EVC: variants seen among roughly 807,000 people sequenced by gnomAD.
EVC encodes the protein EvC ciliary complex subunit 1.
EVC carries 116 observed loss-of-function variants against 118.9 expected under a neutral mutation model. The observed-to-expected ratio is 0.98, with a 90% CI of 0.84 to 1.14. The LOEUF (loss-of-function observed/expected upper bound fraction) is 1.14, where lower values mean the gene tolerates loss of function less well. Ranked by LOEUF, EVC falls within the 50% of genes most tolerant of loss-of-function variation. EVC has a pLI of 0.00. For synonymous variants in EVC, 619 were observed against 534.7 expected, an observed-to-expected ratio of 1.16 and a Z score of -2.18; for missense variants, 1,401 against 1,246.4, an observed-to-expected ratio of 1.12 and a Z score of -1.87.
chr4:5,825,178 T>C, the EVC span: 211 of 985,436 alleles, frequency 2.1e-4, no homozygotes, highest in Middle Eastern at 3.1e-3. This position sits in a 1 kb window ranked among gnomAD's most constrained non-coding sequence, Gnocchi z 4.4. Context: ...ACTCCATGTT[T>C]ACTTTCATGA....
intron 6 of EVC, 95 bp from the exon 7 acceptor site, chr4:5,745,109 A>G (rs1327747591): frequency 1.4e-5 from 18 of 1,283,278 alleles, no homozygotes; most frequent in Non-Finnish European, 2.0e-5. Flanking sequence ...TATTTTGTGA[A>G]ATTTGAAAAA....
chr4:5,805,891 CT>C (rs4045512), intron 17 of EVC, among the ~76,000 whole-genome samples: 4,417 of 123,906 alleles, frequency 0.036, 170 homozygotes, highest in African/African-American at 0.12. Flanking sequence ...AGTTTCTTTT[CT>C]TTTTTTTTTT....
In EVC at chr4:5,756,397, C is replaced by A; in HGVS notation, c.1563+35C>A. On this transcript the variant is annotated intron_variant, in intron 11 of 20. Coordinates refer to ENST00000264956, the MANE Select transcript of EVC (RefSeq NM_153717.3). This position sits in a 1 kb window ranked among gnomAD's most constrained non-coding sequence, Gnocchi z 4.2. ...CTCTGTGGGGACCAGCAGAGAAGCC[C>A]CAGGGTCTGTGTGTGTGCGAGAACC... The A allele has an allele frequency of 6.4e-7, 1 of 1,555,220 alleles. No individual in the cohort carries two copies. The highest frequency in any genetic ancestry group is 1.4e-5 in the African/African-American group (1 of 74,050).
the EVC span, chr4:5,824,731 A>C: frequency 1.0e-6 from 1 of 985,162 alleles, no homozygotes; most frequent in African/African-American, 1.8e-5. Context: ...CGGCCTTCTA[A>C]GAAAAAAAAT....
At chr4:5,783,948 C>A (rs1195463108) in intron 12 of EVC, among the ~76,000 whole-genome samples, 184 bp downstream of exon 12, 2 of 152,160 alleles carry the variant, frequency 1.3e-5, no homozygotes, top group Non-Finnish European at 2.9e-5. Flanking sequence ...GCCCTTATCT[C>A]CCTCAACAGG....
At chr4:5,821,934 T>G in the EVC span, 3 of 1,252,428 alleles carry the variant, frequency 2.4e-6, no homozygotes, top group South Asian at 2.7e-5. This position sits in a 1 kb window ranked among gnomAD's most constrained non-coding sequence, Gnocchi z 4.4. Flanking sequence ...TACTCTGCCA[T>G]GCACTCCACT....
chr4:5,726,127 A>T (rs1442140647), intron 2 of EVC, among the ~76,000 whole-genome samples: 1 of 152,190 alleles, frequency 6.6e-6, no homozygotes, highest in East Asian at 1.9e-4. Context: ...TGTTTCCCAC[A>T]ATAGGGTGTC....
At chr4:5,729,421 C>T (rs750365856) in intron 3 of EVC, 31 bp downstream of exon 3, 1 of 1,590,856 alleles carries the variant, frequency 6.3e-7, no homozygotes, top group Non-Finnish European at 8.6e-7. Flanking sequence ...CATAGAAAGC[C>T]AGTTACTTCC....
At position 5,793,606 on chromosome 4, in the gene EVC, A is replaced by G. The variant is rs909612975; in HGVS notation, c.1777-2A>G. 10 of 1,551,412 alleles carry G rather than the reference A, an allele frequency of 6.4e-6. No homozygotes were observed. The highest frequency in any genetic ancestry group is 8.7e-6 in the Non-Finnish European group (10 of 1,146,776). On this transcript the variant is annotated splice_acceptor_variant, in intron 12 of 20. Coordinates refer to ENST00000264956, the MANE Select transcript of EVC (RefSeq NM_153717.3). LOFTEE classifies it high-confidence loss of function. ...TGCTCTGTCCCTCTGTCCCGAGTTC[A>G]GGTGTGGATGGAGGAGTGTGCGCTG... is the stretch of plus-strand genomic sequence containing the variant.
chr4:5,733,297 C>G lies in EVC; in HGVS notation c.618-54C>G. The G allele has an allele frequency of 9.6e-6, 14 of 1,455,166 alleles. No homozygotes were observed. In the South Asian group the frequency reaches 1.6e-4, roughly 17 times the overall value. 90.1% of individuals were successfully genotyped at this position (1,455,166 alleles called of 1,614,324 possible). A position where few individuals can be genotyped will look rare whatever the true frequency, so the allele number is the denominator to read the frequency against. ...GATGAGGGACGTGCCAATATTCTTACTCTTCATTTCCGATACCCTGAAAGT... is the reference window on the plus strand; with the variant it reads ...GATGAGGGACGTGCCAATATTCTTAGTCTTCATTTCCGATACCCTGAAAGT... On this transcript the variant is annotated intron_variant, in intron 4 of 20. Transcript: ENST00000264956.
the EVC span, chr4:5,828,436 C>T: frequency 2.0e-4 from 314 of 1,585,984 alleles, no homozygotes; most frequent in Admixed American, 6.6e-4. Context: ...CCCCAAGAGA[C>T]GCTGTCGGCT....
rs1730962219 is a variant in EVC, at chr4:5,755,125, C to T, written c.1465-1139C>T. Among the ~76,000 whole-genome samples, 1 of 152,112 alleles carries T rather than the reference C, an allele frequency of 6.6e-6. No individual in the cohort carries two copies. The highest frequency in any genetic ancestry group is 2.1e-4 in the South Asian group (1 of 4,822). ...ATACTTGGAGCTTCTGCATTTGCCACAAAGGGGTAGGGTAGGTTTTTCTAT... is the reference window on the plus strand; with the variant it reads ...ATACTTGGAGCTTCTGCATTTGCCATAAAGGGGTAGGGTAGGTTTTTCTAT... On this transcript the variant is annotated intron_variant, in intron 10 of 20. Transcript: ENST00000264956. The surrounding 1 kb of genome is among the most constrained non-coding windows in gnomAD (Gnocchi z 4.1).
intron 12 of EVC, among the ~76,000 whole-genome samples, chr4:5,786,379 A>G (rs1276757742): frequency 6.6e-6 from 1 of 152,136 alleles, no homozygotes; most frequent in Non-Finnish European, 1.5e-5. Flanking sequence ...TCTGTTTTGA[A>G]TGTTTTATTT....
In EVC at chr4:5,743,605, A is replaced by G. The variant is rs899131914; in HGVS notation, c.802-1599A>G. Among the ~76,000 whole-genome samples the G allele has an allele frequency of 6.6e-6, 1 of 151,926 alleles. No individual in the cohort carries two copies. Among genetic ancestry groups the G allele is most frequent in the Non-Finnish European group, 1.5e-5 (1 of 68,002 alleles). ...CATCGTCCTTGTTCCTACCACTGTG[A>G]GATCTGGGGGTTTGGGAAGGAATGT... On this transcript the variant is annotated intron_variant, in intron 6 of 20. Transcript: ENST00000264956. The surrounding 1 kb of genome is among the most constrained non-coding windows in gnomAD (Gnocchi z 4.7).
At chr4:5,822,411 A>G in the EVC span, among the ~76,000 whole-genome samples, 1 of 150,106 alleles carries the variant, frequency 6.7e-6, no homozygotes, top group African/African-American at 2.4e-5. Flanking sequence ...ACATTTGTAT[A>G]TGCATGTGCA....
chr4:5,772,471 T>C (rs1333467753), intron 11 of EVC, among the ~76,000 whole-genome samples: 2 of 152,106 alleles, frequency 1.3e-5, no homozygotes, highest in East Asian at 3.9e-4. Context: ...CTACCTTCCT[T>C]TTAAGTTCTT....
rs542656180 is a variant in EVC, at chr4:5,742,825, T to G, written c.801+1011T>G. 1.3e-5 allele frequency among the ~76,000 whole-genome samples: 2 copies of G among 152,334 alleles called. No homozygotes were observed. Among genetic ancestry groups the G allele is most frequent in the Non-Finnish European group, 2.9e-5 (2 of 68,022 alleles). On this transcript the variant is annotated intron_variant, in intron 6 of 20. Coordinates refer to ENST00000264956, the MANE Select transcript of EVC (RefSeq NM_153717.3). The surrounding 1 kb of genome is among the most constrained non-coding windows in gnomAD (Gnocchi z 5.2). Reference sequence around the variant, plus strand: ...AATAGGGTTTAGCCTGGGAGGGTACTTGGCTTCACCTAGGAAGGAATTCAA... The same window carrying G: ...AATAGGGTTTAGCCTGGGAGGGTACGTGGCTTCACCTAGGAAGGAATTCAA...
Position 5,749,528 on chromosome 4 carries a change from C to T in EVC, c.1098+1222C>T, listed in dbSNP as rs368698517. Among the ~76,000 whole-genome samples, 61 of 152,200 alleles carry T rather than the reference C, an allele frequency of 4.0e-4. No homozygotes were observed. The highest frequency in any genetic ancestry group is 1.0e-3 in the African/African-American group (43 of 41,532). ...GAACACATTACTTAACCTCTCTGCGCGTCTGTTCCTCTATTTATAAAATAA... is the reference window on the plus strand; with the variant it reads ...GAACACATTACTTAACCTCTCTGCGTGTCTGTTCCTCTATTTATAAAATAA... On this transcript the variant is annotated intron_variant, in intron 8 of 20. Coordinates refer to ENST00000264956, the MANE Select transcript of EVC (RefSeq NM_153717.3). This position sits in a 1 kb window ranked among gnomAD's most constrained non-coding sequence, Gnocchi z 4.4.
rs749142395 is a variant in EVC, at chr4:5,810,988, G to A, written c.2930G>A (p.Gly977Glu). 124 of 1,612,990 alleles carry A rather than the reference G, an allele frequency of 7.7e-5. 1 individual carries two copies. In the South Asian group the frequency reaches 1.3e-3, roughly 17 times the overall value. The change falls in exon 21 of 21, where the codon GGG (glycine) becomes GAG (glutamate). Residue 977 changes from glycine (G) to glutamate (E), a missense_variant. By Grantham distance (98) the Gly-to-Glu change is moderately conservative (BLOSUM62 -2). Transcript: ENST00000264956. ...CTGAGTCAGCAAGAAAGTGAAGCTGGGGACAGTGGGAACTCAAAGAAGATG... is the reference window on the plus strand; with the variant it reads ...CTGAGTCAGCAAGAAAGTGAAGCTGAGGACAGTGGGAACTCAAAGAAGATG... ...KRLSQQESEA[G>E]DSGNSKKMLK... is the part of the protein sequence containing the mutation.
Sources: gnomAD v4.1 joint callset for allele counts (sites outside exome capture counted in the v4.1 genomes callset) on GRCh38, gnomAD v4.1.1 for gene constraint, Gnocchi (gnomAD v3.1) non-coding constraint, MANE v1.5 for transcripts, NCBI Gene and HGNC (gene_info 2026-07-23, HGNC 2026-07-21) for gene names.